The following RBM12 variants were observed in gnomAD, a reference collection of about 807,000 sequenced individuals.
RBM12 encodes RNA-binding protein 12.
A neutral mutation model predicts 37.2 loss-of-function variants in RBM12; 24 were observed. The observed-to-expected ratio is 0.65, with a 90% CI of 0.47 to 0.91. RBM12 has a LOEUF of 0.91. Ranked by LOEUF, RBM12 falls within the 40% of genes least tolerant of loss-of-function variation. The probability of loss-of-function intolerance (pLI) is 0.00; values close to 1 mark genes in which losing one functional copy is unlikely to be tolerated. For missense variants in RBM12, 1,061 were observed against 1,183.2 expected, an observed-to-expected ratio of 0.90 and a Z score of 1.52; for synonymous variants, 420 against 425.2, an observed-to-expected ratio of 0.99 and a Z score of 0.15.
Position 35,652,245 on chromosome 20 carries a change from G to C in RBM12, c.*279C>G, listed in dbSNP as rs2033574822. ...AAAACCAATCTAGACTCCTTGATAA[G>C]CTTTATGTGGTCATTTGAGTTTTAC... On this transcript the variant is annotated 3_prime_UTR_variant, in exon 3 of 3. Transcript: ENST00000374114. 1 of 305,010 alleles carries C rather than the reference G, an allele frequency of 3.3e-6. No homozygotes were observed. Among genetic ancestry groups the C allele is most frequent in the Non-Finnish European group, 6.1e-6 (1 of 164,106 alleles). The allele number at this position is 305,010 out of a possible 1,614,324, so 18.9% of individuals were successfully genotyped here. A position where few individuals can be genotyped will look rare whatever the true frequency, so the allele number is the denominator to read the frequency against.
In RBM12 at chr20:35,654,157, A is replaced by G. The variant is rs760542219; in HGVS notation, c.1166T>C (p.Ile389Thr). Residue 389 changes from isoleucine to threonine, a missense_variant, in exon 3 of 3, where the codon ATC (isoleucine) becomes ACC (threonine). This residue lies in a region of RBM12 where 540 missense variants were observed against 632.7 expected (regional missense o/e 0.85). Transcript: ENST00000374114. ...ERQWVAAGGH[I>T]TFKQNMGPSG... ...AGGTCCCATATTTTGCTTAAAAGTG[A>G]TATGGCCTCCAGCAGCTACCCACTG... 1.9e-5 allele frequency: 30 copies of G among 1,614,078 alleles called. No homozygotes were observed. Among genetic ancestry groups the G allele is most frequent in the Non-Finnish European group, 5.1e-6 (6 of 1,180,058 alleles).
chr20:35,661,139 C>T (rs6060542), intron 1 of RBM12, among the ~76,000 whole-genome samples: 39,320 of 151,870 alleles, frequency 0.26, 5,866 homozygotes, highest in African/African-American at 0.43. Flanking sequence ...CAAGGAAAAC[C>T]ATGCAGAAAG....
At chr20:35,659,237 T>G (rs2034096967) in intron 1 of RBM12, among the ~76,000 whole-genome samples, 1 of 152,124 alleles carries the variant, frequency 6.6e-6, no homozygotes, top group Admixed American at 6.5e-5. Flanking sequence ...TAATTATATA[T>G]TTACAAGAGT....
At chr20:35,656,015 A>T (rs1231745994) in intron 2 of RBM12, among the ~76,000 whole-genome samples, 2 of 152,324 alleles carry the variant, frequency 1.3e-5, no homozygotes, top group East Asian at 3.9e-4. Context: ...AACAAGGTTA[A>T]GACATACTAA....
At chr20:35,659,853 T>C (rs1462884785) in intron 1 of RBM12, among the ~76,000 whole-genome samples, 2 of 152,196 alleles carry the variant, frequency 1.3e-5, no homozygotes, top group Non-Finnish European at 2.9e-5. Flanking sequence ...TTTTGCTTTT[T>C]ATTTTTTTTC....
chr20:35,660,263 C>T (rs1435505029), intron 1 of RBM12, among the ~76,000 whole-genome samples: 1 of 151,902 alleles, frequency 6.6e-6, no homozygotes, highest in East Asian at 1.9e-4. Flanking sequence ...AGTGCAGTGG[C>T]GCGATCTAGG....
At position 35,653,378 on chromosome 20, in the gene RBM12, C is replaced by T. The variant is rs766985860; in HGVS notation, c.1945G>A (p.Val649Ile). 1.2e-6 allele frequency: 2 copies of T among 1,614,118 alleles called. No homozygotes were observed. The highest frequency in any genetic ancestry group is 1.3e-5 in the African/African-American group (1 of 75,064). Residue 649 changes from valine to isoleucine, a missense_variant, in exon 3 of 3, where the codon GTT (valine) becomes ATT (isoleucine). By Grantham distance (29) the Val-to-Ile change is conservative (BLOSUM62 3). Around this residue, in one of 3 missense-constraint regions of RBM12, gnomAD observed 517 missense variants for 534.0 expected, o/e 0.97. Transcript: ENST00000374114. ...AGTCCCGCATTGGGCATTCCTGGAA[C>T]TGCAGGATTACCTGGCACAGGCATC... ...LKMPVPGNPA[V>I]PGMPNAGLPG...
At chr20:35,658,707 C>A (rs2034049986) in intron 2 of RBM12, among the ~76,000 whole-genome samples, 1 of 151,960 alleles carries the variant, frequency 6.6e-6, no homozygotes, top group Non-Finnish European at 1.5e-5. Context: ...TTGCAGTGAG[C>A]CGAGATGGCA....
chr20:35,652,551 T>C lies in RBM12; in HGVS notation c.2772A>G (p.Ser924=), dbSNP rs1356125408. 1.2e-6 allele frequency: 2 copies of C among 1,611,414 alleles called. No homozygotes were observed. The highest frequency in any genetic ancestry group is 1.7e-5 in the Admixed American group (1 of 59,096). ...ACCCTAATACAAGTTTTACTTTTCT[T>C]GAACCTATAGGCCTGTCATTTAAGT... ...VIDLNDRPIG[S]RKVKLVLG is the part of the protein sequence containing the mutation. Residue 924 remains serine, a synonymous_variant, in exon 3 of 3, where the codon TCA becomes TCG. Coordinates refer to ENST00000374114, the MANE Select transcript of RBM12 (RefSeq NM_006047.6).
chr20:35,657,803 G>C (rs2033987876), intron 2 of RBM12, among the ~76,000 whole-genome samples: 1 of 152,170 alleles, frequency 6.6e-6, no homozygotes, highest in Non-Finnish European at 1.5e-5. Flanking sequence ...GCTCACACCT[G>C]TAACCCCAGC....
intron 1 of RBM12, among the ~76,000 whole-genome samples, chr20:35,662,506 G>C (rs2146384890): frequency 6.6e-6 from 1 of 152,294 alleles, no homozygotes; most frequent in East Asian, 1.9e-4. Context: ...TTAAGCACTT[G>C]TGGGCCAGAC....
rs577588239 is a variant in RBM12 at position 35,650,182 on chromosome 20, G to A, written c.*2342C>T. The A allele has an allele frequency of 4.6e-5, 7 of 152,624 alleles. No homozygotes were observed. Among genetic ancestry groups the A allele is most frequent in the Admixed American group, 2.6e-4 (4 of 15,304 alleles). The allele number at this position is 152,624 out of a possible 1,614,324, so 9.5% of individuals were successfully genotyped here. ...AAAGCATTTAATTACAGTCCACAAC[G>A]AGCACTGTTGTGATTCATATAAAAC... On this transcript the variant is annotated 3_prime_UTR_variant, in exon 3 of 3. Transcript: ENST00000374114.
At position 35,653,014 on chromosome 20, in the gene RBM12, G is replaced by C; in HGVS notation, c.2309C>G (p.Pro770Arg). The C allele has an allele frequency of 1.2e-6, 2 of 1,613,798 alleles. No individual in the cohort carries two copies. Among genetic ancestry groups the C allele is most frequent in the Non-Finnish European group, 1.7e-6 (2 of 1,180,038 alleles). ...ATTGTTTGGTCCACCTCCAAAACCC[G>C]GAACATCCAGTCCTAGACCAGGCAA... ...SGLPGLGLDVPGFGGGPNNLS... is the reference protein window; with the variant it reads ...SGLPGLGLDVRGFGGGPNNLS... The change falls in exon 3 of 3, where the codon CCG becomes CGG. Residue 770 changes from proline to arginine, a missense_variant. Physicochemically the swap from Pro to Arg is moderately radical, Grantham distance 103 (BLOSUM62 -2). This residue lies in a region of RBM12 where 517 missense variants were observed against 534.0 expected (regional missense o/e 0.97). Coordinates refer to ENST00000374114, the MANE Select transcript of RBM12 (RefSeq NM_006047.6).
At position 35,654,197 on chromosome 20, in the gene RBM12, G is replaced by A. The variant is rs1439171078; in HGVS notation, c.1126C>T (p.Pro376Ser). 2 of 1,614,142 alleles carry A rather than the reference G, an allele frequency of 1.2e-6. No homozygotes were observed. Among genetic ancestry groups the A allele is most frequent in the Admixed American group, 3.3e-5 (2 of 60,026 alleles). The change falls in exon 3 of 3, where the codon CCT becomes TCT. Residue 376 changes from proline (P) to serine (S), a missense_variant. Pro to Ser is a moderately conservative substitution (Grantham distance 74). Coordinates refer to ENST00000374114, the MANE Select transcript of RBM12 (RefSeq NM_006047.6). ...LMIQRYVEVSPATERQWVAAG... is the reference protein window; with the variant it reads ...LMIQRYVEVSSATERQWVAAG... ...GCTACCCACTGTCTTTCTGTGGCAG[G>A]GCTAACTTCCACATAGCGTTGAATC...
chr20:35,658,802 A>AACAC (rs10542710), intron 2 of RBM12, 128 bp downstream of exon 2: 9,397 of 472,958 alleles, frequency 0.02, 122 homozygotes, highest in African/African-American at 0.075. Flanking sequence ...AGCAAACAAA[A>AACAC]ACACACACAC....
At chr20:35,664,241 T>C (rs184061559) in intron 1 of RBM12, 2 of 152,360 alleles carry the variant, frequency 1.3e-5, no homozygotes, top group East Asian at 3.9e-4. Flanking sequence ...CACAGGAGTG[T>C]ACCGACTACA....
intron 2 of RBM12, among the ~76,000 whole-genome samples, chr20:35,656,527 C>T (rs865910484): frequency 2.6e-5 from 4 of 152,110 alleles, no homozygotes; most frequent in African/African-American, 9.7e-5. Flanking sequence ...TCTGAAAAGT[C>T]AACTTTTATT....
intron 2 of RBM12, among the ~76,000 whole-genome samples, chr20:35,657,830 G>A (rs562048697): frequency 6.6e-6 from 1 of 152,268 alleles, no homozygotes; most frequent in South Asian, 2.1e-4. Flanking sequence ...GGAGGATGAG[G>A]TGGGTGGATC....
At chr20:35,664,701 C>G (rs991272778) in intron 1 of RBM12, 59 bp downstream of exon 1, 2 of 152,368 alleles carry the variant, frequency 1.3e-5, no homozygotes, top group African/African-American at 4.8e-5. Context: ...CCCCGGGCCA[C>G]CAAGGGGCAC....
Sources: allele counts gnomAD v4.1 joint callset (sites outside exome capture counted in the v4.1 genomes callset), GRCh38; gene constraint gnomAD v4.1.1; regional missense constraint gnomAD v4.1.1; transcripts MANE v1.5; gene names NCBI Gene and HGNC (gene_info 2026-07-23, HGNC 2026-07-21).